Variants in CTDSPL observed in about 807,000 individuals in gnomAD.
CTDSPL encodes the protein CTD small phosphatase like, also known as CTD small phosphatase-like protein.
CTDSPL carries 8 observed loss-of-function variants against 30.5 expected under a neutral mutation model. That is an observed-to-expected ratio of 0.26 (90% CI 0.15 to 0.47). The LOEUF (loss-of-function observed/expected upper bound fraction) is 0.47, where lower values mean the gene tolerates loss of function less well. CTDSPL is among the 20% of genes least tolerant of loss of function. CTDSPL has a pLI of 0.99. For missense variants in CTDSPL, 248 were observed against 366.1 expected (o/e 0.68, Z 2.63); for synonymous variants, 110 against 137.9 (o/e 0.80, Z 1.42).
At chr3:37,926,772 G>A (rs539446029) in intron 1 of CTDSPL, among the ~76,000 whole-genome samples, 1 of 152,176 alleles carries the variant, frequency 6.6e-6, no homozygotes, top group African/African-American at 2.4e-5. Flanking sequence ...TCTGGAGGAG[G>A]CTTGCAGTGT....
At chr3:37,867,895 C>G (rs77449289) in intron 1 of CTDSPL, among the ~76,000 whole-genome samples, 48 of 152,230 alleles carry the variant, frequency 3.2e-4, no homozygotes, top group African/African-American at 1.1e-3. Flanking sequence ...GTTTGTATAG[C>G]CACCATCACA....
In CTDSPL at chr3:37,975,736, G is replaced by C; in HGVS notation, c.547G>C (p.Asp183His). ...KYADPVADLL[D>H]RWGVFRARLF... Reference sequence around the variant, plus strand: ...TGCAGACCCTGTGGCTGACCTCCTAGACCGCTGGGGTGTGTTCCGGGCCCG... The same window carrying C: ...TGCAGACCCTGTGGCTGACCTCCTACACCGCTGGGGTGTGTTCCGGGCCCG... Residue 183 changes from aspartate (D) to histidine (H), a missense_variant, in exon 7 of 8, where the codon GAC becomes CAC. Asp to His is a moderately conservative substitution (Grantham distance 81, BLOSUM62 -1). Transcript: ENST00000273179. The surrounding 1 kb of genome is among the most constrained non-coding windows in gnomAD (Gnocchi z 4.9). 6.2e-7 allele frequency: 1 copy of C among 1,613,912 alleles called. No individual in the cohort carries two copies. Among genetic ancestry groups the C allele is most frequent in the Non-Finnish European group, 8.5e-7 (1 of 1,179,896 alleles).
At chr3:37,894,454 G>T (rs1005607383) in intron 1 of CTDSPL, among the ~76,000 whole-genome samples, 2 of 151,748 alleles carry the variant, frequency 1.3e-5, no homozygotes, top group African/African-American at 4.8e-5. Flanking sequence ...GGCATCCTTG[G>T]TTTCTGATTC....
intron 1 of CTDSPL, among the ~76,000 whole-genome samples, chr3:37,912,905 A>G (rs571396235): frequency 6.6e-6 from 1 of 152,334 alleles, no homozygotes; most frequent in South Asian, 2.1e-4. Context: ...TACTGTCCTA[A>G]GTGTATTACA....
chr3:37,902,660 T>C (rs1358271199), intron 1 of CTDSPL, among the ~76,000 whole-genome samples: 1 of 152,214 alleles, frequency 6.6e-6, no homozygotes. Context: ...CTGCTGTCTC[T>C]GCTGCTTCTG....
At chr3:37,942,989 T>G (rs895196219) in intron 1 of CTDSPL, among the ~76,000 whole-genome samples, 7 of 150,238 alleles carry the variant, frequency 4.7e-5, no homozygotes, top group African/African-American at 1.7e-4. Flanking sequence ...TGAGCCAGGA[T>G]AGGGCAGGGA....
chr3:37,938,690 G>GT lies in CTDSPL; in HGVS notation c.80-8359dup, dbSNP rs1395581301. Reference sequence around the variant, plus strand: ...TTGTTTTTTTGTGGGTTTTTTTTTTGTTTTTTTTGAAATGGAGTCTTGCTC... The same window carrying GT: ...TTGTTTTTTTGTGGGTTTTTTTTTTGTTTTTTTTTGAAATGGAGTCTTGCTC... On this transcript the variant is annotated intron_variant, in intron 1 of 7. Transcript: ENST00000273179. Among the ~76,000 whole-genome samples the GT allele has an allele frequency of 2.0e-4, 26 of 131,002 alleles. 1 individual carries two copies. Among genetic ancestry groups the GT allele is most frequent in the South Asian group, 7.1e-4 (3 of 4,214 alleles). 85.9% of individuals were successfully genotyped at this position (131,002 alleles called of 152,430 possible).
At chr3:37,901,473 C>G (rs770399026) in intron 1 of CTDSPL, among the ~76,000 whole-genome samples, 1 of 152,184 alleles carries the variant, frequency 6.6e-6, no homozygotes, top group Non-Finnish European at 1.5e-5. Context: ...ACAGAGACAC[C>G]TCTTTGTGAG....
intron 1 of CTDSPL, among the ~76,000 whole-genome samples, chr3:37,895,563 C>G (rs942798988): frequency 5.9e-5 from 9 of 152,206 alleles, no homozygotes; most frequent in African/African-American, 2.2e-4. Context: ...AGGCTGAAAG[C>G]CATAAAACTG....
intron 3 of CTDSPL, 50 bp from the exon 4 acceptor site, chr3:37,964,521 T>G: frequency 1.6e-6 from 2 of 1,273,824 alleles, no homozygotes; most frequent in Non-Finnish European, 2.3e-6. Flanking sequence ...GCAATACTGA[T>G]TGGTTTGTCT....
At chr3:37,934,819 G>T (rs1339526327) in intron 1 of CTDSPL, among the ~76,000 whole-genome samples, 3 of 152,174 alleles carry the variant, frequency 2.0e-5, no homozygotes, top group Non-Finnish European at 2.9e-5. Context: ...TCATTGTTCT[G>T]TGTTTCCGTC....
In CTDSPL at chr3:37,913,822, C is replaced by T. The variant is rs554546421; in HGVS notation, c.80-33235C>T. ...CTGGGCTTTCTATTCCATTACACTG[C>T]TCTTTTGCCAAAATGACACTTTCTT... On this transcript the variant is annotated intron_variant, in intron 1 of 7. Coordinates refer to ENST00000273179, the MANE Select transcript of CTDSPL (RefSeq NM_001008392.2). Among the ~76,000 whole-genome samples, 30 of 152,306 alleles carry T rather than the reference C, an allele frequency of 2.0e-4. 1 individual carries two copies. The South Asian group carries it at 6.0e-3, about 31-fold the overall frequency.
At chr3:37,962,622 T>C (rs1474410986) in intron 3 of CTDSPL, among the ~76,000 whole-genome samples, 1 of 152,206 alleles carries the variant, frequency 6.6e-6, no homozygotes, top group African/African-American at 2.4e-5. Flanking sequence ...TTTTGGCAGA[T>C]CTTTGATGTT....
chr3:37,955,325 G>A (rs1174357519), intron 2 of CTDSPL, among the ~76,000 whole-genome samples: 1 of 152,218 alleles, frequency 6.6e-6, no homozygotes, highest in South Asian at 2.1e-4. Flanking sequence ...CTACTCAGGA[G>A]GCTGAGGCAG....
intron 2 of CTDSPL, 66 bp from the exon 3 acceptor site, chr3:37,957,045 A>C: frequency 2.3e-6 from 3 of 1,326,536 alleles, no homozygotes; most frequent in South Asian, 1.2e-5. Context: ...AGGGCTTTGA[A>C]GTTTCTTTTG....
chr3:37,918,648 A>G (rs1254889151), intron 1 of CTDSPL, among the ~76,000 whole-genome samples: 1 of 152,212 alleles, frequency 6.6e-6, no homozygotes, highest in Non-Finnish European at 1.5e-5. Context: ...ATCTGGGTAA[A>G]GCAAAACTGA....
At chr3:37,934,468 G>T (rs1398665905) in intron 1 of CTDSPL, among the ~76,000 whole-genome samples, 3 of 152,152 alleles carry the variant, frequency 2.0e-5, no homozygotes, top group African/African-American at 4.8e-5. Flanking sequence ...GATATAGATT[G>T]TACGAATTTA....
At chr3:37,965,614 A>T (rs994817307) in intron 4 of CTDSPL, among the ~76,000 whole-genome samples, 2 of 152,194 alleles carry the variant, frequency 1.3e-5, no homozygotes, top group Non-Finnish European at 2.9e-5. Flanking sequence ...CATGAAGGTC[A>T]CCATCCATGA....
chr3:37,975,874 A>C lies in CTDSPL; in HGVS notation c.685A>C (p.Ile229Leu). The change falls in exon 7 of 8, where the codon ATC (isoleucine) becomes CTC (leucine). Residue 229 changes from isoleucine (I) to leucine (L), a missense_variant. Coordinates refer to ENST00000273179, the MANE Select transcript of CTDSPL (RefSeq NM_001008392.2). This position sits in a 1 kb window ranked among gnomAD's most constrained non-coding sequence, Gnocchi z 4.9. ...TGTTGACAATTCCCCTGCCTCATAC[A>C]TCTTCCATCCTGAGAATGCAGTAAG... ...IIVDNSPASY[I>L]FHPENAVPVQ... 2 of 1,613,902 alleles carry C rather than the reference A, an allele frequency of 1.2e-6. No individual in the cohort carries two copies.
Sources: gnomAD v4.1 joint callset for allele counts (sites outside exome capture counted in the v4.1 genomes callset) on GRCh38, gnomAD v4.1.1 for gene constraint, Gnocchi (gnomAD v3.1) non-coding constraint, MANE v1.5 for transcripts, NCBI Gene and HGNC (gene_info 2026-07-23, HGNC 2026-07-21) for gene names.